SYT6: variants seen among roughly 807,000 people sequenced by gnomAD.
The protein encoded by SYT6 is synaptotagmin 6.
SYT6 carries 24 observed loss-of-function variants against 38.4 expected under a neutral mutation model. The observed-to-expected ratio is 0.62, with a 90% confidence interval of 0.45 to 0.88. The LOEUF (loss-of-function observed/expected upper bound fraction) is 0.88, where lower values mean the gene tolerates loss of function less well. Ranked by LOEUF, SYT6 falls within the 40% of genes least tolerant of loss-of-function variation. The probability of loss-of-function intolerance (pLI) is 0.00; values close to 1 mark genes in which losing one functional copy is unlikely to be tolerated. For missense variants in SYT6, 611 were observed against 621.0 expected, an observed-to-expected ratio of 0.98 and a Z score of 0.17; for synonymous variants, 265 against 241.9, an observed-to-expected ratio of 1.10 and a Z score of -0.89.
chr1:114,130,176 C>T (rs1678065113), intron 3 of SYT6, among the ~76,000 whole-genome samples: 1 of 152,150 alleles, frequency 6.6e-6, no homozygotes, highest in African/African-American at 2.4e-5. Flanking sequence ...ACCCACCCTC[C>T]CCAACCCAAC....
chr1:114,114,870 G>A (rs915666739), intron 3 of SYT6, among the ~76,000 whole-genome samples: 2 of 152,222 alleles, frequency 1.3e-5, no homozygotes. Flanking sequence ...TTAGGCACAA[G>A]CAAGGGTTCT....
At chr1:114,114,668 A>G (rs1676884950) in intron 3 of SYT6, among the ~76,000 whole-genome samples, 1 of 152,210 alleles carries the variant, frequency 6.6e-6, no homozygotes, top group Non-Finnish European at 1.5e-5. Flanking sequence ...GGATGTTTGC[A>G]TTATTGACAG....
intron 3 of SYT6, among the ~76,000 whole-genome samples, chr1:114,127,532 G>C (rs1300097057): frequency 2.6e-5 from 4 of 152,214 alleles, no homozygotes; most frequent in African/African-American, 9.6e-5. Context: ...TTTGAGCATG[G>C]AGGGACCCCT....
chr1:114,111,605 C>A (rs1235924653), intron 3 of SYT6, among the ~76,000 whole-genome samples: 1 of 152,218 alleles, frequency 6.6e-6, no homozygotes, highest in East Asian at 1.9e-4. Flanking sequence ...TCCTGTCACC[C>A]CCTCTTGGGT....
At chr1:114,096,775 G>A (rs762552782) in intron 6 of SYT6, among the ~76,000 whole-genome samples, 1 of 152,214 alleles carries the variant, frequency 6.6e-6, no homozygotes, top group Non-Finnish European at 1.5e-5. Flanking sequence ...TTTTGTATTA[G>A]TAGAATTTCC....
chr1:114,136,723 C>T (rs1557762010), intron 3 of SYT6, among the ~76,000 whole-genome samples: 1 of 152,152 alleles, frequency 6.6e-6, no homozygotes, highest in Non-Finnish European at 1.5e-5. Context: ...TTTGGGCTGG[C>T]CTCCCCCATC....
At chr1:114,144,318 T>G (rs1557769572) in intron 1 of SYT6, among the ~76,000 whole-genome samples, 1 of 152,226 alleles carries the variant, frequency 6.6e-6, no homozygotes, top group Non-Finnish European at 1.5e-5. Flanking sequence ...TTAAAAATCT[T>G]ACTATTTAAG....
intron 3 of SYT6, among the ~76,000 whole-genome samples, chr1:114,129,514 CTT>C (rs1410779326): frequency 6.6e-6 from 1 of 151,892 alleles, no homozygotes; most frequent in African/African-American, 2.4e-5. Flanking sequence ...TCTTGCTGTT[CTT>C]TGTTTTTCTC....
At chr1:114,111,896 G>A (rs981780568) in intron 3 of SYT6, among the ~76,000 whole-genome samples, 2 of 152,132 alleles carry the variant, frequency 1.3e-5, no homozygotes, top group Non-Finnish European at 2.9e-5. Context: ...GGGGGCCCCT[G>A]CTGTGAACAC....
chr1:114,130,731 G>A (rs985389941), intron 3 of SYT6, among the ~76,000 whole-genome samples: 3 of 152,190 alleles, frequency 2.0e-5, no homozygotes, highest in Non-Finnish European at 4.4e-5. Flanking sequence ...CCAGTTAGTT[G>A]TTCTAGGACC....
At chr1:114,110,407 C>T (rs1480804830) in intron 3 of SYT6, among the ~76,000 whole-genome samples, 1 of 152,080 alleles carries the variant, frequency 6.6e-6, no homozygotes, top group Non-Finnish European at 1.5e-5. Flanking sequence ...GGTGTGCGGC[C>T]GCTTTATTCA....
At chr1:114,140,064 GGAA>G in intron 1 of SYT6, 101 bp from the exon 2 acceptor site, 2 of 660,010 alleles carry the variant, frequency 3.0e-6, no homozygotes, top group East Asian at 5.8e-5. Context: ...GGACAAAGAC[GGAA>G]GAAGAGAGAA....
intron 3 of SYT6, among the ~76,000 whole-genome samples, chr1:114,104,521 T>C (rs1676162818): frequency 6.6e-6 from 1 of 152,086 alleles, no homozygotes; most frequent in Non-Finnish European, 1.5e-5. Flanking sequence ...CTCCATTTGA[T>C]GAAGGAGGGC....
intron 3 of SYT6, among the ~76,000 whole-genome samples, chr1:114,106,619 T>C (rs1366502408): frequency 6.6e-6 from 1 of 152,068 alleles, no homozygotes; most frequent in Non-Finnish European, 1.5e-5. Context: ...AACCCTCTGC[T>C]CCACATGGCT....
In SYT6 at chr1:114,103,658, T is replaced by G; in HGVS notation, c.1135A>C (p.Thr379Pro). 1 of 1,614,094 alleles carries G rather than the reference T, an allele frequency of 6.2e-7. No individual in the cohort carries two copies. The change falls in exon 4 of 8, where the codon ACC becomes CCC. Residue 379 changes from threonine to proline, a missense_variant. Coordinates refer to ENST00000610222, the MANE Select transcript of SYT6 (RefSeq NM_001253772.2). Reference sequence around the variant, plus strand: ...TTCCGACACTTAATCACTGTGAGGGTGAGCCTGCCTGCAGTGGGCAGGTAG... The same window carrying G: ...TTCCGACACTTAATCACTGTGAGGGGGAGCCTGCCTGCAGTGGGCAGGTAG... ...LCYLPTAGRL[T>P]LTVIKCRNLK... is the part of the protein sequence containing the mutation.
chr1:114,118,887 G>A (rs998667818), intron 3 of SYT6, among the ~76,000 whole-genome samples: 1 of 152,184 alleles, frequency 6.6e-6, no homozygotes, highest in African/African-American at 2.4e-5. Context: ...GGCATACCCA[G>A]GCCCCTTTCT....
chr1:114,120,653 T>G (rs1272469039), intron 3 of SYT6, among the ~76,000 whole-genome samples: 1 of 152,240 alleles, frequency 6.6e-6, no homozygotes, highest in African/African-American at 2.4e-5. Context: ...CTTAGCTTAA[T>G]TTTCTCTATC....
chr1:114,143,815 C>A (rs1679005804), intron 1 of SYT6, among the ~76,000 whole-genome samples: 1 of 151,812 alleles, frequency 6.6e-6, no homozygotes, highest in African/African-American at 2.4e-5. Context: ...CTCCCCCACC[C>A]CCAGCCCACC....
chr1:114,134,491 T>C (rs543324555), intron 3 of SYT6, among the ~76,000 whole-genome samples: 6 of 151,806 alleles, frequency 4.0e-5, no homozygotes, highest in African/African-American at 1.2e-4. Flanking sequence ...TCACAAGCCA[T>C]TCCTGAGCCA....
Sources: gnomAD v4.1 joint callset for allele counts (sites outside exome capture counted in the v4.1 genomes callset) on GRCh38, gnomAD v4.1.1 for gene constraint, MANE v1.5 for transcripts, NCBI Gene and HGNC (gene_info 2026-07-23, HGNC 2026-07-21) for gene names.